ITGAD: variants seen among roughly 807,000 people sequenced by gnomAD.
The protein encoded by ITGAD is integrin subunit alpha D.
A neutral mutation model predicts 139.0 loss-of-function variants in ITGAD; 105 were observed. That is an observed-to-expected ratio of 0.76 (90% CI 0.65 to 0.89). ITGAD has a LOEUF of 0.89. Ranked by LOEUF, ITGAD falls within the 40% of genes least tolerant of loss-of-function variation. The pLI is 0.00. For synonymous variants in ITGAD, 569 were observed against 598.3 expected, an observed-to-expected ratio of 0.95 and a Z score of 0.71; for missense variants, 1,384 against 1,487.3, an observed-to-expected ratio of 0.93 and a Z score of 1.14.
chr16:31,395,598 G>A (rs1460514069), intron 2 of ITGAD, among the ~76,000 whole-genome samples: 2 of 152,142 alleles, frequency 1.3e-5, no homozygotes, highest in African/African-American at 4.8e-5. Context: ...CAGAAGAAAG[G>A]TAAGAGCCCC....
chr16:31,397,688 C>CGGG lies in ITGAD; in HGVS notation c.312+27_312+29dup, dbSNP rs34475127. On this transcript the variant is annotated intron_variant, in intron 4 of 29. Coordinates refer to ENST00000389202, the MANE Select transcript of ITGAD (RefSeq NM_005353.3). ...CCTGGTGAGTGAGTGTCTTGGGCCA[C>CGGG]GGGGGGGTGGGGTGGGGCGGGGGGT... 40 of 171,490 alleles carry CGGG rather than the reference C, an allele frequency of 2.3e-4. No homozygotes were observed. In the Admixed American group the frequency reaches 2.6e-3, roughly 11 times the overall value. 10.6% of individuals were successfully genotyped at this position (171,490 alleles called of 1,614,324 possible). A position where few individuals can be genotyped will look rare whatever the true frequency, so the allele number is the denominator to read the frequency against.
rs780156368 is a variant in ITGAD at position 31,397,782 on chromosome 16, C to T, written c.313-13C>T. ...CTGCTAGGGACTCCTGGCTCACAGG[C>T]TTCTGCCTCCAGGCCTGTGGCCCGA... On this transcript the variant is annotated splice_polypyrimidine_tract_variant and intron_variant, in intron 4 of 29. Transcript: ENST00000389202. 1 of 1,609,980 alleles carries T rather than the reference C, an allele frequency of 6.2e-7. No individual in the cohort carries two copies. Among genetic ancestry groups the T allele is most frequent in the Non-Finnish European group, 8.5e-7 (1 of 1,177,172 alleles).
Position 31,397,427 on chromosome 16 carries a change from C to A in ITGAD, c.206C>A (p.Ala69Asp). 6.2e-7 allele frequency: 1 copy of A among 1,602,286 alleles called. No homozygotes were observed. The highest frequency in any genetic ancestry group is 8.5e-7 in the Non-Finnish European group (1 of 1,174,816). ...ACGGGACGGCTGTATGACTGCGCAG[C>A]TGCCACCGGCATGTGCCAGCCCATC... ...NQTGRLYDCA[A>D]ATGMCQPIPL... Residue 69 changes from alanine to aspartate, a missense_variant, in exon 3 of 30, where the codon GCT (alanine) becomes GAT (aspartate). Transcript: ENST00000389202.
At chr16:31,406,707 G>T (rs1387645083) in intron 7 of ITGAD, among the ~76,000 whole-genome samples, 1 of 152,166 alleles carries the variant, frequency 6.6e-6, no homozygotes, top group Non-Finnish European at 1.5e-5. Context: ...AAGTGCAAAA[G>T]CCGAAGAAAC....
chr16:31,393,494 T>C (rs1272356912), intron 1 of ITGAD, 103 bp downstream of exon 1: 4 of 1,214,430 alleles, frequency 3.3e-6, no homozygotes, highest in Non-Finnish European at 3.6e-6. Flanking sequence ...ACCACTCTTA[T>C]GAGGAGCTGA....
rs192629839 is a variant in ITGAD at position 31,418,948 on chromosome 16, C to T, written c.2780+384C>T. 7.6e-5 allele frequency among the ~76,000 whole-genome samples: 11 copies of T among 145,336 alleles called. No homozygotes were observed. The East Asian group carries it at 1.2e-3, about 16-fold the overall frequency. ...CTGACGCAGGAGAATCACTTGAATC[C>T]GGGAGGCGGAGGTTGCAGTGAGCCG... On this transcript the variant is annotated intron_variant, in intron 23 of 29. Transcript: ENST00000389202.
At chr16:31,425,868 A>T in intron 29 of ITGAD, 147 bp from the exon 30 acceptor site, 1 of 546,858 alleles carries the variant, frequency 1.8e-6, no homozygotes, top group Non-Finnish European at 3.3e-6. Flanking sequence ...TTTAGTAGAG[A>T]CGGGGTTTCA....
At chr16:31,399,380 A>T (rs1378673501) in intron 5 of ITGAD, among the ~76,000 whole-genome samples, 1 of 152,210 alleles carries the variant, frequency 6.6e-6, no homozygotes. Flanking sequence ...GATACAGGCA[A>T]ACTGTCTCAT....
At chr16:31,397,690 G>C (rs1454623873) in intron 4 of ITGAD, 24 bp downstream of exon 4, 1 of 1,543,412 alleles carries the variant, frequency 6.5e-7, no homozygotes, top group Non-Finnish European at 8.8e-7. Context: ...TTGGGCCACG[G>C]GGGGGTGGGG....
Position 31,397,469 on chromosome 16 carries a change from G to A in ITGAD, c.241+7G>A. The A allele has an allele frequency of 1.3e-6, 2 of 1,586,988 alleles. No homozygotes were observed. Among genetic ancestry groups the A allele is most frequent in the Non-Finnish European group, 1.7e-6 (2 of 1,165,502 alleles). ...CAGCCCATCCCGCTGCACAGTGAGT[G>A]ACCACCTGGGAATTGGGCCCCTCAA... On this transcript the variant is annotated splice_region_variant and intron_variant, in intron 3 of 29. Transcript: ENST00000389202.
chr16:31,410,541 G>A lies in ITGAD; in HGVS notation c.1213+17G>A. 5 of 1,613,360 alleles carry A rather than the reference G, an allele frequency of 3.1e-6. No individual in the cohort carries two copies. The South Asian group carries it at 3.3e-5, about 11-fold the overall frequency. On this transcript the variant is annotated intron_variant, in intron 11 of 29. Coordinates refer to ENST00000389202, the MANE Select transcript of ITGAD (RefSeq NM_005353.3). ...CTTACCTGGGTGAGAAACGGCCAGG[G>A]GTTGGGGACAGGTTGGAGATGCACT... is the stretch of plus-strand genomic sequence containing the variant.
intron 27 of ITGAD, 42 bp from the exon 28 acceptor site, chr16:31,424,060 C>G: frequency 6.2e-7 from 1 of 1,609,472 alleles, no homozygotes; most frequent in Non-Finnish European, 8.5e-7. Context: ...TCTGAGCCTC[C>G]CCCAGAGCCA....
In ITGAD at chr16:31,397,254, C is replaced by A. The variant is rs746166938; in HGVS notation, c.138-105C>A. On this transcript the variant is annotated intron_variant, in intron 2 of 29. Transcript: ENST00000389202. ...AGTGGCAAATGCCAGGAATTTCCCC[C>A]ACAGAGTCTCGCTTCCCCATGGAGG... 5.6e-5 allele frequency: 41 copies of A among 736,190 alleles called. No homozygotes were observed. In the East Asian group the frequency reaches 1.1e-3, roughly 20 times the overall value. 45.6% of individuals were successfully genotyped at this position (736,190 alleles called of 1,614,324 possible). A position where few individuals can be genotyped will look rare whatever the true frequency, so the allele number is the denominator to read the frequency against.
chr16:31,395,177 G>A (rs1342590755), intron 2 of ITGAD, among the ~76,000 whole-genome samples: 4 of 152,070 alleles, frequency 2.6e-5, no homozygotes, highest in South Asian at 2.1e-4. Flanking sequence ...AAAATTAGCC[G>A]GGCATGGTGG....
At chr16:31,412,194 C>T (rs1273973910) in intron 14 of ITGAD, among the ~76,000 whole-genome samples, 1 of 151,930 alleles carries the variant, frequency 6.6e-6, no homozygotes, top group African/African-American at 2.4e-5. Context: ...TAGGCTTCTG[C>T]CACCATACCC....
At chr16:31,413,795 ATGG>A (rs1260014252) in intron 16 of ITGAD, among the ~76,000 whole-genome samples, 3 of 151,946 alleles carry the variant, frequency 2.0e-5, no homozygotes, top group African/African-American at 7.3e-5. Flanking sequence ...CCCTGTTCCC[ATGG>A]TCCCGGATGT....
chr16:31,411,989 C>G (rs1173793411), intron 14 of ITGAD, among the ~76,000 whole-genome samples: 1 of 152,156 alleles, frequency 6.6e-6, no homozygotes. Context: ...TCCTCACCAA[C>G]CTGCACCCTC....
chr16:31,410,890 C>T lies in ITGAD; in HGVS notation c.1356+12C>T, dbSNP rs1451663438. 6.2e-7 allele frequency: 1 copy of T among 1,606,042 alleles called. No individual in the cohort carries two copies. The highest frequency in any genetic ancestry group is 8.5e-7 in the Non-Finnish European group (1 of 1,178,062). ...TCACAGGGACGCAGGTTGGGCGTGA[C>T]AGGAGCCAGAGGGGAGGATGAGGGT... On this transcript the variant is annotated intron_variant, in intron 12 of 29. Transcript: ENST00000389202.
rs1206286960 is a variant in ITGAD, at chr16:31,413,095, G to A, written c.1845G>A (p.Leu615=). 1.9e-6 allele frequency: 3 copies of A among 1,614,000 alleles called. No individual in the cohort carries two copies. Among genetic ancestry groups the A allele is most frequent in the Non-Finnish European group, 2.5e-6 (3 of 1,180,012 alleles). ...ARGQVLLLRS[L]PVLKVGVAMR... ...CCACTACTCTGCCCCTCAGGAGTCTGCCGGTGCTGAAAGTGGGGGTGGCCA... is the reference window on the plus strand; with the variant it reads ...CCACTACTCTGCCCCTCAGGAGTCTACCGGTGCTGAAAGTGGGGGTGGCCA... The change falls in exon 16 of 30, where the codon CTG becomes CTA. Residue 615 remains leucine, a synonymous_variant. Coordinates refer to ENST00000389202, the MANE Select transcript of ITGAD (RefSeq NM_005353.3).
Sources: allele counts gnomAD v4.1 joint callset (sites outside exome capture counted in the v4.1 genomes callset), GRCh38; gene constraint gnomAD v4.1.1; transcripts MANE v1.5; gene names NCBI Gene and HGNC (gene_info 2026-07-23, HGNC 2026-07-21).